Variants in ULK4 observed in about 807,000 individuals in gnomAD.
The protein encoded by ULK4 is unc-51 like kinase 4, also known as inactive serine/threonine-protein kinase ULK4.
ULK4 carries 133 observed loss-of-function variants against 160.6 expected under a neutral mutation model. The observed-to-expected ratio is 0.83, with a 90% CI of 0.72 to 0.96. The LOEUF (loss-of-function observed/expected upper bound fraction) is 0.96. Among genes scored for constraint, ULK4 ranks in the 40% least tolerant of loss-of-function variants. The pLI, the probability that ULK4 is intolerant of heterozygous loss-of-function variation, is 0.00. For missense variants in ULK4, 1,580 were observed against 1,499.5 expected (o/e 1.05, Z -0.89); for synonymous variants, 534 against 539.8 (o/e 0.99, Z 0.15).
intron 29 of ULK4, 81 bp downstream of exon 29, chr3:41,681,427 C>A: frequency 6.3e-7 from 1 of 1,576,734 alleles, no homozygotes; most frequent in South Asian, 1.2e-5. Flanking sequence ...AAGACCCCAA[C>A]CCCATCACTG....
intron 21 of ULK4, among the ~76,000 whole-genome samples, chr3:41,769,091 A>T (rs992900986): frequency 1.3e-5 from 2 of 152,226 alleles, no homozygotes; most frequent in Non-Finnish European, 2.9e-5. Flanking sequence ...TATAACAAAC[A>T]TCAAAAATAA....
At chr3:41,364,847 A>G (rs1239162646) in intron 35 of ULK4, among the ~76,000 whole-genome samples, 3 of 152,208 alleles carry the variant, frequency 2.0e-5, no homozygotes, top group Non-Finnish European at 4.4e-5. Flanking sequence ...GGCTTCAATA[A>G]TCACCCTTCT....
chr3:41,681,184 G>C (rs1419951600), intron 29 of ULK4, among the ~76,000 whole-genome samples: 2 of 152,108 alleles, frequency 1.3e-5, no homozygotes, highest in Non-Finnish European at 2.9e-5. Context: ...TGTTCCAGTA[G>C]TCGTGTAATA....
chr3:41,564,657 C>T (rs895583197), intron 32 of ULK4, among the ~76,000 whole-genome samples: 1 of 151,832 alleles, frequency 6.6e-6, no homozygotes, highest in African/African-American at 2.4e-5. Flanking sequence ...TGGGGTTTTA[C>T]CACGTTGGCC....
At chr3:41,578,938 G>C (rs532740752) in intron 31 of ULK4, among the ~76,000 whole-genome samples, 5 of 152,098 alleles carry the variant, frequency 3.3e-5, no homozygotes, top group African/African-American at 4.8e-5. Context: ...TTTCCCTAAG[G>C]GCCTTGAGAA....
chr3:41,869,133 A>G (rs1697003242), intron 17 of ULK4: 2 of 152,262 alleles, frequency 1.3e-5, no homozygotes, highest in East Asian at 3.9e-4. Context: ...ACTATTTAGT[A>G]ATTACTCTTG....
intron 35 of ULK4, among the ~76,000 whole-genome samples, chr3:41,312,642 C>CA (rs2080073001): frequency 7.0e-6 from 1 of 142,416 alleles, no homozygotes; most frequent in African/African-American, 2.7e-5. Flanking sequence ...AGAAAAAAAA[C>CA]AAAAACAAAC....
chr3:41,837,139 A>G (rs1371891630), intron 17 of ULK4, among the ~76,000 whole-genome samples: 1 of 152,234 alleles, frequency 6.6e-6, no homozygotes, highest in Non-Finnish European at 1.5e-5. Flanking sequence ...TGCAAATAAG[A>G]GTATGAAAAA....
Position 41,565,221 on chromosome 3 carries a change from G to A in ULK4, c.3226+804C>T, listed in dbSNP as rs548104027. 5.9e-5 allele frequency among the ~76,000 whole-genome samples: 9 copies of A among 152,300 alleles called. No individual in the cohort carries two copies. The South Asian group carries it at 1.2e-3, about 21-fold the overall frequency. ...TCTCAGAACAGATTGCCGTAGTTAC[G>A]TAATGCATGACTGTACATGATTTTT... is the stretch of plus-strand genomic sequence containing the variant. On this transcript the variant is annotated intron_variant, in intron 32 of 36. Coordinates refer to ENST00000301831, the MANE Select transcript of ULK4 (RefSeq NM_017886.4).
At chr3:41,616,489 A>AG (rs2032970284) in intron 30 of ULK4, among the ~76,000 whole-genome samples, 1 of 152,094 alleles carries the variant, frequency 6.6e-6, no homozygotes, top group African/African-American at 2.4e-5. Context: ...CAACCCACAG[A>AG]GGGATAGCAG....
intron 20 of ULK4, among the ~76,000 whole-genome samples, chr3:41,794,686 A>AAAAAAAAAAAAAAAAAAAAAAAAAAC (rs1553654814): frequency 6.2e-5 from 7 of 112,384 alleles, no homozygotes; most frequent in African/African-American, 2.5e-4. Flanking sequence ...AAAAAAAAAA[A>AAAAAAAAAAAAAAAAAAAAAAAAAAC]CACAGAAAAA....
At chr3:41,296,111 A>G (rs567467975) in intron 35 of ULK4, among the ~76,000 whole-genome samples, 4 of 152,334 alleles carry the variant, frequency 2.6e-5, no homozygotes, top group African/African-American at 9.6e-5. Context: ...AGTGTATACA[A>G]TGAACTTTGT....
chr3:41,602,688 T>C (rs568250243), intron 31 of ULK4, among the ~76,000 whole-genome samples: 2 of 152,264 alleles, frequency 1.3e-5, no homozygotes, highest in South Asian at 2.1e-4. Flanking sequence ...CATAATCATA[T>C]AGTTTCAGAG....
chr3:41,261,437 A>G (rs1440393757), intron 35 of ULK4, among the ~76,000 whole-genome samples: 1 of 152,036 alleles, frequency 6.6e-6, no homozygotes, highest in African/African-American at 2.4e-5. Context: ...CAGTCCCCTC[A>G]ACTTCAAGAT....
intron 32 of ULK4, among the ~76,000 whole-genome samples, chr3:41,464,545 C>A (rs1266500803): frequency 2.0e-5 from 3 of 152,196 alleles, no homozygotes; most frequent in Non-Finnish European, 4.4e-5. Flanking sequence ...ATTATTACAG[C>A]ATGTGCACTG....
At chr3:41,775,105 A>T (rs2039555874) in intron 21 of ULK4, among the ~76,000 whole-genome samples, 1 of 149,148 alleles carries the variant, frequency 6.7e-6, no homozygotes, top group Admixed American at 6.6e-5. Flanking sequence ...TACCATTAGG[A>T]GATATACCTA....
chr3:41,819,471 A>G lies in ULK4; in HGVS notation c.1800T>C (p.Ala600=). The part of the protein sequence containing the change: ...EKKKNPRECW[A]VPLAAYTVLM... ...GCACTGTGTATGCAGCCAAGGGAACAGCCCAGCACTCTCTAGGGTTCTTTT... is the reference window on the plus strand; with the variant it reads ...GCACTGTGTATGCAGCCAAGGGAACGGCCCAGCACTCTCTAGGGTTCTTTT... The change falls in exon 19 of 37, where the codon GCT becomes GCC. Residue 600 remains alanine (A), a synonymous_variant. Coordinates refer to ENST00000301831, the MANE Select transcript of ULK4 (RefSeq NM_017886.4). 6.2e-7 allele frequency: 1 copy of G among 1,613,572 alleles called. No homozygotes were observed. Among genetic ancestry groups the G allele is most frequent in the Admixed American group, 1.7e-5 (1 of 59,918 alleles).
intron 21 of ULK4, among the ~76,000 whole-genome samples, chr3:41,761,501 T>C (rs1045659371): frequency 2.6e-5 from 4 of 151,416 alleles, no homozygotes; most frequent in Admixed American, 2.6e-4. Flanking sequence ...ACCTTTCTAA[T>C]GTGAAAACTA....
At chr3:41,946,453 T>G (rs958488263) in intron 2 of ULK4, among the ~76,000 whole-genome samples, 2 of 152,164 alleles carry the variant, frequency 1.3e-5, no homozygotes, top group Non-Finnish European at 2.9e-5. Flanking sequence ...TTGATTTGGA[T>G]ATTACATGAC....
Sources: allele counts gnomAD v4.1 joint callset (sites outside exome capture counted in the v4.1 genomes callset), GRCh38; gene constraint gnomAD v4.1.1; transcripts MANE v1.5; gene names NCBI Gene and HGNC (gene_info 2026-07-23, HGNC 2026-07-21).